The following MCTP2 variants were observed in gnomAD, a reference collection of about 807,000 sequenced individuals.
MCTP2 encodes the protein multiple C2 and transmembrane domain-containing protein 2.
Under a neutral mutation model 111.6 loss-of-function variants are expected in MCTP2, and 132 were observed. That is an observed-to-expected ratio of 1.18 (90% CI 1.03 to 1.37). The LOEUF (loss-of-function observed/expected upper bound fraction) is 1.37. MCTP2 is among the 40% of genes most tolerant of loss of function. The probability of loss-of-function intolerance (pLI) is 0.00; values close to 1 mark genes in which losing one functional copy is unlikely to be tolerated. For missense variants in MCTP2, 1,183 were observed against 1,067.9 expected, an observed-to-expected ratio of 1.11 and a Z score of -1.50; for synonymous variants, 395 against 387.7, an observed-to-expected ratio of 1.02 and a Z score of -0.22.
At chr15:94,464,127 G>A (rs1334345279) in intron 20 of MCTP2, among the ~76,000 whole-genome samples, 1 of 149,372 alleles carries the variant, frequency 6.7e-6, no homozygotes, top group African/African-American at 2.5e-5. Context: ...GTTTATGGGA[G>A]TTTGATATCA....
At chr15:94,465,626 G>A (rs2073210508) in intron 20 of MCTP2, among the ~76,000 whole-genome samples, 1 of 151,932 alleles carries the variant, frequency 6.6e-6, no homozygotes, top group South Asian at 2.1e-4. Flanking sequence ...CTGTCTTTTT[G>A]TTTCAAATGT....
At chr15:94,284,288 A>G (rs774827339) in intron 1 of MCTP2, among the ~76,000 whole-genome samples, 9 of 152,206 alleles carry the variant, frequency 5.9e-5, no homozygotes, top group Non-Finnish European at 1.3e-4. Context: ...TTCTTCACCC[A>G]TTACTAATCA....
In MCTP2 at chr15:94,298,575, G is replaced by T. The variant is rs369360106; in HGVS notation, c.310G>T (p.Asp104Tyr). 14 of 1,614,028 alleles carry T rather than the reference G, an allele frequency of 8.7e-6. No homozygotes were observed. Among genetic ancestry groups the T allele is most frequent in the Admixed American group, 5.0e-5 (3 of 60,010 alleles). ...SSLKQSEEELDWSQEEASHLH... is the reference protein window; with the variant it reads ...SSLKQSEEELYWSQEEASHLH... ...CTTGAAACAGTCTGAAGAAGAATTG[G>T]ATTGGAGCCAGGAAGAAGCCAGTCA... The change falls in exon 2 of 23, where the codon GAT (aspartate) becomes TAT (tyrosine). Residue 104 changes from aspartate to tyrosine, a missense_variant. By Grantham distance (160) the Asp-to-Tyr change is radical. Transcript: ENST00000357742.
chr15:94,393,417 G>A (rs2081103443), intron 14 of MCTP2, among the ~76,000 whole-genome samples: 2 of 152,254 alleles, frequency 1.3e-5, no homozygotes, highest in Non-Finnish European at 2.9e-5. Context: ...TGGTAATTTG[G>A]TTGCTTACCA....
chr15:94,317,812 C>T (rs890111492), intron 4 of MCTP2, among the ~76,000 whole-genome samples: 1 of 152,066 alleles, frequency 6.6e-6, no homozygotes, highest in African/African-American at 2.4e-5. Flanking sequence ...CTCTCTCTTG[C>T]TCATGTTTTC....
chr15:94,233,567 G>A (rs185659546), intron 1 of MCTP2, among the ~76,000 whole-genome samples: 91 of 152,098 alleles, frequency 6.0e-4, no homozygotes, highest in African/African-American at 2.0e-3. Flanking sequence ...CACCTGGAAA[G>A]GACTTTGTGT....
chr15:94,371,776 C>T (rs554859624), intron 12 of MCTP2, among the ~76,000 whole-genome samples: 1 of 152,264 alleles, frequency 6.6e-6, no homozygotes, highest in African/African-American at 2.4e-5. Context: ...GCAACCTCCG[C>T]CTACTGGCTT....
At chr15:94,395,780 T>TA (rs1362506560) in intron 14 of MCTP2, among the ~76,000 whole-genome samples, 1 of 152,158 alleles carries the variant, frequency 6.6e-6, no homozygotes, top group Non-Finnish European at 1.5e-5. Context: ...AATTAAAAAT[T>TA]TTCAGCAAGA....
intron 17 of MCTP2, among the ~76,000 whole-genome samples, chr15:94,433,574 A>G (rs2083303162): frequency 1.3e-5 from 2 of 152,182 alleles, no homozygotes; most frequent in African/African-American, 4.8e-5. Context: ...CTGCTGTGCT[A>G]TGAACATTTG....
chr15:94,415,037 C>T (rs2082312035), intron 17 of MCTP2, among the ~76,000 whole-genome samples: 1 of 151,996 alleles, frequency 6.6e-6, no homozygotes, highest in African/African-American at 2.4e-5. Context: ...ATAATGCCTT[C>T]TATGTGGATG....
At chr15:94,406,854 AG>A (rs940464573) in intron 17 of MCTP2, among the ~76,000 whole-genome samples, 48 of 135,784 alleles carry the variant, frequency 3.5e-4, no homozygotes, top group African/African-American at 1.3e-3. Context: ...TGGACTTTTC[AG>A]TTGTTTTTTT....
intron 14 of MCTP2, among the ~76,000 whole-genome samples, chr15:94,391,323 G>C (rs7164613): frequency 0.12 from 18,125 of 152,068 alleles, 1,232 homozygotes; most frequent in African/African-American, 0.13. Flanking sequence ...TTTGTGCTTT[G>C]AAATGGACTT....
intron 10 of MCTP2, among the ~76,000 whole-genome samples, chr15:94,359,859 C>A (rs944252642): frequency 1.3e-5 from 2 of 152,062 alleles, no homozygotes; most frequent in African/African-American, 4.8e-5. Flanking sequence ...TTGCCTCATC[C>A]CACCTCAGAA....
intron 1 of MCTP2, among the ~76,000 whole-genome samples, chr15:94,267,362 G>T (rs978639622): frequency 6.6e-6 from 1 of 152,080 alleles, no homozygotes; most frequent in East Asian, 1.9e-4. Context: ...ATTTATAAGC[G>T]TTATGCTATG....
At chr15:94,397,106 C>G (rs974033221) in intron 14 of MCTP2, among the ~76,000 whole-genome samples, 13 of 152,098 alleles carry the variant, frequency 8.5e-5, no homozygotes, top group Admixed American at 8.5e-4. Context: ...AATTTTTAAA[C>G]TTTTTACAGT....
chr15:94,250,515 C>T (rs1218809266), intron 1 of MCTP2, among the ~76,000 whole-genome samples: 1 of 152,160 alleles, frequency 6.6e-6, no homozygotes, highest in Non-Finnish European at 1.5e-5. Flanking sequence ...TAAGGCAAAG[C>T]ACCTGGCTCC....
At chr15:94,264,594 G>C (rs938014057) in intron 1 of MCTP2, among the ~76,000 whole-genome samples, 1 of 149,648 alleles carries the variant, frequency 6.7e-6, no homozygotes, top group Non-Finnish European at 1.5e-5. Context: ...CTGGGCGACA[G>C]AGCGAGACTC....
intron 10 of MCTP2, among the ~76,000 whole-genome samples, chr15:94,363,580 A>G (rs1257841962): frequency 6.6e-6 from 1 of 152,116 alleles, no homozygotes; most frequent in East Asian, 1.9e-4. Flanking sequence ...TGATAAGGCT[A>G]GAGATGAGGG....
At chr15:94,380,879 C>A (rs943736229) in intron 12 of MCTP2, among the ~76,000 whole-genome samples, 3 of 113,468 alleles carry the variant, frequency 2.6e-5, no homozygotes, top group East Asian at 8.2e-4. Flanking sequence ...TTAAGTGAAC[C>A]CCCCCCTTAC....
Sources: gnomAD v4.1 joint callset for allele counts (sites outside exome capture counted in the v4.1 genomes callset) on GRCh38, gnomAD v4.1.1 for gene constraint, MANE v1.5 for transcripts, NCBI Gene and HGNC (gene_info 2026-07-23, HGNC 2026-07-21) for gene names.